MON2: variants seen among roughly 807,000 people sequenced by gnomAD.
MON2 encodes MON2 regulator of endosome-to-Golgi trafficking.
Under a neutral mutation model 208.6 loss-of-function variants are expected in MON2, and 84 were observed. That is an observed-to-expected ratio of 0.40 (90% confidence interval 0.34 to 0.48). MON2 has a LOEUF of 0.48. Among genes scored for constraint, MON2 ranks in the 20% least tolerant of loss-of-function variants. The pLI is 0.59. For missense variants in MON2, 1,611 were observed against 2,015.4 expected, an observed-to-expected ratio of 0.80 and a Z score of 3.84; for synonymous variants, 660 against 694.0, an observed-to-expected ratio of 0.95 and a Z score of 0.77.
At chr12:62,543,045 A>G in intron 19 of MON2, 52 bp from the exon 20 acceptor site, 1 of 963,830 alleles carries the variant, frequency 1.0e-6, no homozygotes, top group South Asian at 1.6e-5. Flanking sequence ...TCATAGTCTA[A>G]TTACTCAGAA....
intron 26 of MON2, 109 bp downstream of exon 26, chr12:62,561,222 A>G (rs1466827093): frequency 2.2e-6 from 2 of 894,912 alleles, no homozygotes; most frequent in African/African-American, 1.7e-5. Context: ...ATTGTTTTAT[A>G]TGTATACTTT....
intron 7 of MON2, among the ~76,000 whole-genome samples, chr12:62,506,381 A>G (rs186006029): frequency 1.3e-5 from 2 of 152,346 alleles, no homozygotes; most frequent in Non-Finnish European, 2.9e-5. Context: ...ATTAGGCAAG[A>G]CTTTTATTTT....
chr12:62,564,329 T>C (rs999625242), intron 26 of MON2, among the ~76,000 whole-genome samples: 1 of 152,122 alleles, frequency 6.6e-6, no homozygotes, highest in Non-Finnish European at 1.5e-5. Flanking sequence ...AATTTTGGTT[T>C]AAGATTTTAA....
intron 18 of MON2, 21 bp downstream of exon 18, chr12:62,538,346 T>C: frequency 3.1e-6 from 5 of 1,599,018 alleles, no homozygotes; most frequent in East Asian, 2.2e-5. Context: ...GTTTTTTTAA[T>C]TGATAAAAAC....
chr12:62,476,221 A>C lies in MON2; in HGVS notation c.112-7949A>C, dbSNP rs1410721306. On this transcript the variant is annotated intron_variant, in intron 1 of 34. Transcript: ENST00000393630. Reference sequence around the variant, plus strand: ...TTGTAGAATAATTGAATGTTACAGAAGAAAATCTTATTGATTTCAATGTAG... The same window carrying C: ...TTGTAGAATAATTGAATGTTACAGACGAAAATCTTATTGATTTCAATGTAG... 2.6e-5 allele frequency among the ~76,000 whole-genome samples: 4 copies of C among 152,276 alleles called. No homozygotes were observed. The East Asian group carries it at 7.7e-4, about 29-fold the overall frequency.
At chr12:62,493,042 CA>C (rs371931212) in intron 2 of MON2, among the ~76,000 whole-genome samples, 1 of 119,816 alleles carries the variant, frequency 8.3e-6, no homozygotes, top group African/African-American at 2.6e-5. Context: ...CACACATACA[CA>C]CACACAAACA....
chr12:62,556,869 A>G (rs1284113341), intron 25 of MON2, among the ~76,000 whole-genome samples: 1 of 152,172 alleles, frequency 6.6e-6, no homozygotes, highest in Non-Finnish European at 1.5e-5. Flanking sequence ...TGAGCCCAGG[A>G]GTTTGAAACC....
intron 1 of MON2, among the ~76,000 whole-genome samples, chr12:62,477,950 A>C (rs1407613988): frequency 6.6e-6 from 1 of 152,218 alleles, no homozygotes; most frequent in South Asian, 2.1e-4. Context: ...GAACCTACTC[A>C]TGGAACAGGG....
In MON2 at chr12:62,571,383, T is replaced by G; in HGVS notation, c.4324-9T>G. The G allele has an allele frequency of 6.5e-7, 1 of 1,538,078 alleles. No homozygotes were observed. Among genetic ancestry groups the G allele is most frequent in the East Asian group, 2.3e-5 (1 of 43,052 alleles). ...ATTAATGCTTATATTAAACTGTCTT[T>G]ATTTTCAGACTCTTAGGGTTCCTCT... On this transcript the variant is annotated splice_polypyrimidine_tract_variant and intron_variant, in intron 29 of 34. Transcript: ENST00000393630.
In MON2 at chr12:62,501,673, A is replaced by G. The variant is rs775989753; in HGVS notation, c.764A>G (p.Asn255Ser). Reference sequence around the variant, plus strand: ...CTCGAATTACTTGAGTCAGTCCTCAATGATTTTCCGCAGGTCTTTTTACAA... The same window carrying G: ...CTCGAATTACTTGAGTCAGTCCTCAGTGATTTTCCGCAGGTCTTTTTACAA... ...FGLELLESVL[N>S]DFPQVFLQHQ... Residue 255 changes from asparagine to serine, a missense_variant, in exon 7 of 35, where the codon AAT becomes AGT. Asn to Ser is a conservative substitution (Grantham distance 46, BLOSUM62 1). Coordinates refer to ENST00000393630, the MANE Select transcript of MON2 (RefSeq NM_015026.3). 63 of 1,614,200 alleles carry G rather than the reference A, an allele frequency of 3.9e-5. No individual in the cohort carries two copies. The African/African-American group carries it at 4.0e-4, about 10-fold the overall frequency.
In MON2 at chr12:62,561,448, A is replaced by G. The variant is rs552223162; in HGVS notation, c.4032+335A>G. Among the ~76,000 whole-genome samples, 3 of 152,294 alleles carry G rather than the reference A, an allele frequency of 2.0e-5. No homozygotes were observed. The South Asian group carries it at 6.2e-4, about 32-fold the overall frequency. On this transcript the variant is annotated intron_variant, in intron 26 of 34. Transcript: ENST00000393630. ...TTTAGTAAAGTACTTTTATAATTAGAAAATTAATAAGCAGTGGGATTATAT... is the reference window on the plus strand; with the variant it reads ...TTTAGTAAAGTACTTTTATAATTAGGAAATTAATAAGCAGTGGGATTATAT...
intron 1 of MON2, among the ~76,000 whole-genome samples, chr12:62,479,469 T>G (rs1424870678): frequency 2.2e-5 from 3 of 138,732 alleles, no homozygotes; most frequent in African/African-American, 5.2e-5. Flanking sequence ...CTGCAGTTGG[T>G]TGAATCTGCA....
At chr12:62,564,177 C>T (rs909206846) in intron 26 of MON2, among the ~76,000 whole-genome samples, 2 of 151,918 alleles carry the variant, frequency 1.3e-5, no homozygotes, top group African/African-American at 2.4e-5. Context: ...CTAAAAGTTC[C>T]GTTATAGCTA....
chr12:62,589,310 A>G (rs1002570601), intron 34 of MON2, among the ~76,000 whole-genome samples: 1 of 152,230 alleles, frequency 6.6e-6, no homozygotes, highest in African/African-American at 2.4e-5. Flanking sequence ...ATTTTGTAGC[A>G]GATTGGCACC....
At chr12:62,530,261 C>T (rs542753342) in intron 11 of MON2, among the ~76,000 whole-genome samples, 152 of 142,942 alleles carry the variant, frequency 1.1e-3, no homozygotes, top group Non-Finnish European at 1.0e-3. Flanking sequence ...GACGGAGTCT[C>T]GCTCTGTCAC....
At chr12:62,555,928 G>T (rs753581075) in intron 24 of MON2, 66 bp from the exon 25 acceptor site, 174 of 1,168,692 alleles carry the variant, frequency 1.5e-4, no homozygotes, top group Non-Finnish European at 2.0e-4. Flanking sequence ...TTATGCTGTT[G>T]CTCCTATGCT....
At chr12:62,532,973 A>G (rs2072728229) in intron 12 of MON2, among the ~76,000 whole-genome samples, 1 of 152,176 alleles carries the variant, frequency 6.6e-6, no homozygotes, top group African/African-American at 2.4e-5. Context: ...ACATCAATAC[A>G]ATATTATCAT....
chr12:62,588,864 A>C (rs781096156), intron 34 of MON2: 6 of 1,475,386 alleles, frequency 4.1e-6, no homozygotes, highest in Non-Finnish European at 5.5e-6. Context: ...AGCTTGTATC[A>C]GCCTATTTGG....
chr12:62,473,619 G>A (rs1322404204), intron 1 of MON2, among the ~76,000 whole-genome samples: 2 of 152,010 alleles, frequency 1.3e-5, no homozygotes, highest in Non-Finnish European at 2.9e-5. Context: ...CACCCTGGTT[G>A]GAGTGCAGTG....
Sources: gnomAD v4.1 joint callset for allele counts (sites outside exome capture counted in the v4.1 genomes callset) on GRCh38, gnomAD v4.1.1 for gene constraint, MANE v1.5 for transcripts, NCBI Gene and HGNC (gene_info 2026-07-23, HGNC 2026-07-21) for gene names.